The following CDH13 variants were observed in gnomAD, a reference collection of about 807,000 sequenced individuals.
The protein encoded by CDH13 is cadherin 13, also known as cadherin-13.
In CDH13, 24 loss-of-function variants were observed where a neutral mutation model predicts 63.8. The ratio of observed to expected loss-of-function variants is 0.38; its 90% confidence interval spans 0.27 to 0.53. CDH13 has a LOEUF of 0.53. CDH13 is among the 20% of genes least tolerant of loss of function. CDH13 has a pLI of 0.85. For synonymous variants in CDH13, 503 were observed against 355.3 expected (o/e 1.42, Z -4.67); for missense variants, 1,049 against 903.1 (o/e 1.16, Z -2.07).
chr16:82,817,409 C>G (rs986696432), intron 1 of CDH13, among the ~76,000 whole-genome samples: 4 of 152,072 alleles, frequency 2.6e-5, no homozygotes, highest in African/African-American at 9.7e-5. Flanking sequence ...ACTCTAGGCC[C>G]CAGTTACCTC....
At chr16:82,964,344 G>C (rs549827994) in intron 2 of CDH13, among the ~76,000 whole-genome samples, 1 of 152,298 alleles carries the variant, frequency 6.6e-6, no homozygotes, top group African/African-American at 2.4e-5. Flanking sequence ...AAAATATCAA[G>C]TACACGACAT....
At chr16:82,733,972 A>G (rs1260998358) in intron 1 of CDH13, among the ~76,000 whole-genome samples, 1 of 152,258 alleles carries the variant, frequency 6.6e-6, no homozygotes, top group Non-Finnish European at 1.5e-5. Flanking sequence ...AGAGAGGATG[A>G]CAGAACTGTA....
intron 4 of CDH13, among the ~76,000 whole-genome samples, chr16:83,212,289 T>G (rs1158120628): frequency 6.6e-6 from 1 of 152,128 alleles, no homozygotes; most frequent in African/African-American, 2.4e-5. Context: ...TGGAATATGC[T>G]GGGGTCCCTC....
intron 2 of CDH13, among the ~76,000 whole-genome samples, chr16:82,929,868 T>C (rs2042430061): frequency 1.3e-5 from 2 of 151,302 alleles, no homozygotes; most frequent in Non-Finnish European, 2.9e-5. Context: ...TAGAAAGGAG[T>C]AGTCATAACA....
At chr16:83,620,932 T>C (rs1486223630) in intron 8 of CDH13, among the ~76,000 whole-genome samples, 5 of 152,120 alleles carry the variant, frequency 3.3e-5, no homozygotes, top group Admixed American at 2.6e-4. Context: ...ACTTGCTCTT[T>C]TGGGGCCCCA....
chr16:83,669,882 A>G (rs182893822), intron 8 of CDH13, among the ~76,000 whole-genome samples: 4 of 152,352 alleles, frequency 2.6e-5, no homozygotes, highest in East Asian at 1.9e-4. Context: ...CAAACACATT[A>G]CTATTCACCT....
intron 5 of CDH13, among the ~76,000 whole-genome samples, chr16:83,286,951 C>A (rs998650259): frequency 6.6e-6 from 1 of 151,980 alleles, no homozygotes; most frequent in Non-Finnish European, 1.5e-5. Flanking sequence ...GCCCGTGCTC[C>A]TATGTGTATT....
intron 6 of CDH13, among the ~76,000 whole-genome samples, chr16:83,368,590 G>A (rs528672755): frequency 1.3e-5 from 2 of 151,550 alleles, no homozygotes; most frequent in Non-Finnish European, 2.9e-5. Context: ...TTCTTTAGCC[G>A]TGATTTCTGA....
At chr16:82,788,763 AGAGCC>A (rs1407944056) in intron 1 of CDH13, among the ~76,000 whole-genome samples, 1 of 152,204 alleles carries the variant, frequency 6.6e-6, no homozygotes, top group Non-Finnish European at 1.5e-5. Context: ...CACATGACAA[AGAGCC>A]GGACAGATCC....
chr16:83,365,805 G>C (rs913356772), intron 6 of CDH13, among the ~76,000 whole-genome samples: 6 of 152,196 alleles, frequency 3.9e-5, no homozygotes, highest in African/African-American at 1.2e-4. Context: ...GATTCAACCT[G>C]CTGCTGGCTT....
At chr16:82,708,635 A>G (rs2031676942) in intron 1 of CDH13, among the ~76,000 whole-genome samples, 1 of 152,146 alleles carries the variant, frequency 6.6e-6, no homozygotes, top group African/African-American at 2.4e-5. Flanking sequence ...TAATTTATCT[A>G]AAGGGAAGAT....
intron 1 of CDH13, among the ~76,000 whole-genome samples, chr16:82,847,460 C>A (rs1020576022): frequency 2.0e-5 from 3 of 152,176 alleles, no homozygotes; most frequent in Non-Finnish European, 4.4e-5. Context: ...CAATGTGGGG[C>A]TGAGTTCATC....
At chr16:83,270,890 CCCTTCCTCCCTCCTTT>C (rs2088784016) in intron 5 of CDH13, among the ~76,000 whole-genome samples, 1 of 147,182 alleles carries the variant, frequency 6.8e-6, no homozygotes, top group Non-Finnish European at 1.5e-5. Context: ...CTCCCTCCCT[CCCTTCCTCCCTCCTTT>C]CCTTCCTCCC....
rs547462690 is a variant in CDH13 at position 83,255,308 on chromosome 16, T to C, written c.636+37811T>C. On this transcript the variant is annotated intron_variant, in intron 5 of 13. Transcript: ENST00000567109. ...AGATGCCCCAAACTGCCGGGCCTCCTGCTCCATCCTCCAGGTTTGAACTAC... is the reference window on the plus strand; with the variant it reads ...AGATGCCCCAAACTGCCGGGCCTCCCGCTCCATCCTCCAGGTTTGAACTAC... 3.3e-5 allele frequency among the ~76,000 whole-genome samples: 5 copies of C among 152,334 alleles called. No homozygotes were observed. The South Asian group carries it at 1.0e-3, about 32-fold the overall frequency.
chr16:83,301,871 G>C (rs1235414332), intron 5 of CDH13, among the ~76,000 whole-genome samples: 1 of 151,966 alleles, frequency 6.6e-6, no homozygotes, highest in Non-Finnish European at 1.5e-5. Flanking sequence ...AATAGGCAGG[G>C]AGAGGGGTGC....
In CDH13 at chr16:82,881,876, T is replaced by G. The variant is rs934839591; in HGVS notation, c.157+23403T>G. Among the ~76,000 whole-genome samples, 4 of 152,250 alleles carry G rather than the reference T, an allele frequency of 2.6e-5. No homozygotes were observed. In the East Asian group the frequency reaches 7.7e-4, roughly 29 times the overall value. On this transcript the variant is annotated intron_variant, in intron 2 of 13. Coordinates refer to ENST00000567109, the MANE Select transcript of CDH13 (RefSeq NM_001257.5). ...TCTCTTTCCAGAGCTCACCCCTTTT[T>G]GAGGCTGGCACCACCCTGGACCCAC...
At chr16:82,654,984 A>G (rs1911138450) in intron 1 of CDH13, among the ~76,000 whole-genome samples, 3 of 152,224 alleles carry the variant, frequency 2.0e-5, no homozygotes. Flanking sequence ...TGGTGGTCCC[A>G]GATTTCATGC....
In CDH13 at chr16:82,908,193, A is replaced by G. The variant is rs868426656; in HGVS notation, c.157+49720A>G. Among the ~76,000 whole-genome samples the G allele has an allele frequency of 2.0e-5, 3 of 152,174 alleles. No individual in the cohort carries two copies. The South Asian group carries it at 6.2e-4, about 32-fold the overall frequency. On this transcript the variant is annotated intron_variant, in intron 2 of 13. Transcript: ENST00000567109. ...AGAAAGGAAAAGGAAAACGTCTGGA[A>G]CCTTGACATTCCACAGGATATTGTC...
chr16:83,006,108 G>A (rs575892067), intron 2 of CDH13, among the ~76,000 whole-genome samples: 47 of 152,246 alleles, frequency 3.1e-4, no homozygotes, highest in African/African-American at 9.1e-4. Context: ...CAATACTGGC[G>A]TCAGCTCTCC....
Sources: allele counts gnomAD v4.1 joint callset (sites outside exome capture counted in the v4.1 genomes callset), GRCh38; gene constraint gnomAD v4.1.1; transcripts MANE v1.5; gene names NCBI Gene and HGNC (gene_info 2026-07-23, HGNC 2026-07-21).